Variants in TP53AIP1 observed in about 807,000 individuals in gnomAD.
TP53AIP1 encodes the protein p53-regulated apoptosis-inducing protein 1.
In TP53AIP1, 14 loss-of-function variants were observed where a neutral mutation model predicts 9.5. The ratio of observed to expected loss-of-function variants is 1.47; its 90% confidence interval spans 0.97 to 2.30. TP53AIP1 has a LOEUF of 2.30. Ranked by LOEUF, TP53AIP1 falls within the 30% of genes most tolerant of loss-of-function variation. The probability of loss-of-function intolerance (pLI) is 0.00; values close to 1 mark genes in which losing one functional copy is unlikely to be tolerated. For synonymous variants in TP53AIP1, 73 were observed against 61.2 expected (o/e 1.19, Z -0.90); for missense variants, 153 against 146.7 (o/e 1.04, Z -0.22).
chr11:128,938,113 G>A (rs1454774384), intron 1 of TP53AIP1, among the ~76,000 whole-genome samples: 1 of 152,128 alleles, frequency 6.6e-6, no homozygotes, highest in Non-Finnish European at 1.5e-5. Context: ...GAAAGGGGGT[G>A]GGATGATGGA....
At chr11:128,942,353 A>T (rs1317788121) in intron 1 of TP53AIP1, among the ~76,000 whole-genome samples, 1 of 152,102 alleles carries the variant, frequency 6.6e-6, no homozygotes, top group Admixed American at 6.5e-5. Context: ...TCACCAGGGG[A>T]CGTGAGAAAG....
At chr11:128,934,987 C>T, downstream of TP53AIP1, 1 of 702,940 alleles carries the variant, frequency 1.4e-6, no homozygotes, top group Non-Finnish European at 2.6e-6. Flanking sequence ...GGGCTTTCAA[C>T]TCCCAGAATT....
intron 1 of TP53AIP1, among the ~76,000 whole-genome samples, chr11:128,940,101 C>T (rs548419228): frequency 1.3e-5 from 2 of 152,314 alleles, no homozygotes; most frequent in East Asian, 3.9e-4. Context: ...CACCTGGATG[C>T]CAAGCATGAG....
At chr11:128,940,755 C>A (rs925116894) in intron 1 of TP53AIP1, among the ~76,000 whole-genome samples, 3 of 152,212 alleles carry the variant, frequency 2.0e-5, no homozygotes, top group African/African-American at 7.2e-5. Flanking sequence ...CCCACCCACA[C>A]ACTCAAGGCA....
chr11:128,938,647 G>C (rs1339641371), intron 1 of TP53AIP1, among the ~76,000 whole-genome samples: 1 of 152,122 alleles, frequency 6.6e-6, no homozygotes, highest in East Asian at 1.9e-4. Flanking sequence ...AGGGTCTAGG[G>C]AGAAGCTGCA....
chr11:128,936,295 C>T lies in TP53AIP1; in HGVS notation c.253+243G>A. On this transcript the variant is annotated intron_variant, in intron 3 of 3. Transcript: ENST00000531399. ...AGAAAGTTCAGTGGGTGTCAATTAG[C>T]TTGGCTGTAGTGACCACTCTTAAGT... is the stretch of plus-strand genomic sequence containing the variant. 3 of 1,245,052 alleles carry T rather than the reference C, an allele frequency of 2.4e-6. No homozygotes were observed. In the South Asian group the frequency reaches 7.2e-5, roughly 30 times the overall value. 77.1% of individuals were successfully genotyped at this position (1,245,052 alleles called of 1,614,324 possible). A position where few individuals can be genotyped will look rare whatever the true frequency, so the allele number is the denominator to read the frequency against.
intron 1 of TP53AIP1, among the ~76,000 whole-genome samples, chr11:128,941,126 G>A (rs1944932974): frequency 6.6e-6 from 1 of 152,312 alleles, no homozygotes; most frequent in Middle Eastern, 3.4e-3. Flanking sequence ...GCCCAAGGGG[G>A]CCGTGTTCTC....
At chr11:128,935,936 A>G in intron 3 of TP53AIP1, 1 of 1,256,392 alleles carries the variant, frequency 8.0e-7, no homozygotes, top group Non-Finnish European at 1.0e-6. Flanking sequence ...GTATCTTGGA[A>G]TAAACAAAAT....
rs2846689 is a variant in TP53AIP1 at position 128,937,311 on chromosome 11, A to G, written c.141+367T>C. The stretch of plus-strand genomic sequence containing the variant: ...CCCTGCACCCCAGCCTTCCCTCCCC[A>G]TGCGCTCCACATGCGTCCTTTGTTC... On this transcript the variant is annotated intron_variant, in intron 2 of 3. Coordinates refer to ENST00000531399, the MANE Select transcript of TP53AIP1 (RefSeq NM_022112.3). The surrounding 1 kb of genome is among the most constrained non-coding windows in gnomAD (Gnocchi z 4.8). 150,394 of 1,374,480 alleles carry G rather than the reference A, an allele frequency of 0.11. 8,735 individuals carry two copies. The highest frequency in any genetic ancestry group is 0.12 in the South Asian group (6,432 of 52,968). 85.1% of individuals were successfully genotyped at this position (1,374,480 alleles called of 1,614,324 possible).
At chr11:128,942,221 A>G (rs749361277) in intron 1 of TP53AIP1, among the ~76,000 whole-genome samples, 114 of 152,308 alleles carry the variant, frequency 7.5e-4, no homozygotes, top group Non-Finnish European at 1.4e-3. Flanking sequence ...CGCTGTGCCC[A>G]GGACCCAGGC....
rs1944821795 is a variant in TP53AIP1 at position 128,936,286 on chromosome 11, G to T, written c.253+252C>A. ...GCCCATTCCAGAAAGTTCAGTGGGT[G>T]TCAATTAGCTTGGCTGTAGTGACCA... On this transcript the variant is annotated intron_variant, in intron 3 of 3. Coordinates refer to ENST00000531399, the MANE Select transcript of TP53AIP1 (RefSeq NM_022112.3). 3.3e-6 allele frequency: 4 copies of T among 1,229,312 alleles called. No homozygotes were observed. In the Admixed American group the frequency reaches 1.2e-4, roughly 38 times the overall value. 76.2% of individuals were successfully genotyped at this position (1,229,312 alleles called of 1,614,324 possible). A position where few individuals can be genotyped will look rare whatever the true frequency, so the allele number is the denominator to read the frequency against.
chr11:128,937,037 C>A lies in TP53AIP1; in HGVS notation c.142-388G>T. The A allele has an allele frequency of 9.5e-7, 1 of 1,052,760 alleles. No individual in the cohort carries two copies. Among genetic ancestry groups the A allele is most frequent in the Non-Finnish European group, 1.1e-6 (1 of 872,764 alleles). 65.2% of individuals were successfully genotyped at this position (1,052,760 alleles called of 1,614,324 possible). A position where few individuals can be genotyped will look rare whatever the true frequency, so the allele number is the denominator to read the frequency against. On this transcript the variant is annotated intron_variant, in intron 2 of 3. Coordinates refer to ENST00000531399, the MANE Select transcript of TP53AIP1 (RefSeq NM_022112.3). This position sits in a 1 kb window ranked among gnomAD's most constrained non-coding sequence, Gnocchi z 4.8. ...GTGGGCCTCCAGGGAGGTGTAGGCG[C>A]TCCTGGCTCCTGGCAGACTCCTGGC...
chr11:128,934,851 T>C (rs1565328339), downstream of TP53AIP1: 7 of 606,944 alleles, frequency 1.2e-5, no homozygotes, highest in East Asian at 2.9e-5. Flanking sequence ...ATGTGGGCGA[T>C]TGAGGTCATG....
chr11:128,935,232 C>T, downstream of TP53AIP1: 2 of 1,383,524 alleles, frequency 1.4e-6, no homozygotes, highest in South Asian at 1.5e-5. Flanking sequence ...GAAGTGCATA[C>T]TGGGAGTGCC....
intron 3 of TP53AIP1, chr11:128,935,985 G>A (rs773614185): frequency 1.0e-4 from 100 of 1,000,824 alleles, no homozygotes; most frequent in Admixed American, 1.3e-4. Context: ...GACATACTAC[G>A]TACAGGTGCT....
chr11:128,935,657 G>A lies in TP53AIP1; in HGVS notation c.309C>T (p.Asp103=). The A allele has an allele frequency of 6.3e-7, 1 of 1,588,932 alleles. No individual in the cohort carries two copies. Among genetic ancestry groups the A allele is most frequent in the Non-Finnish European group, 8.5e-7 (1 of 1,175,364 alleles). Residue 103 remains aspartate (D), a synonymous_variant, in exon 4 of 4, where the codon GAC becomes GAT. Transcript: ENST00000531399. ...GCTCAAATGCTGACCCCAGTGGCCT[G>A]TCTCTAAGCACTGTGGCTCCAGGAA... ...PFLPGATVLR[D]RPLGSAFELS...
chr11:128,936,325 C>T (rs889467526), intron 3 of TP53AIP1: 19 of 1,354,344 alleles, frequency 1.4e-5, no homozygotes, highest in South Asian at 1.2e-4. Context: ...TTAAGTGTAC[C>T]GTTACCTTTT....
rs1555049409 is a variant in TP53AIP1 at position 128,935,512 on chromosome 11, C to CTGTTTT, written c.*78_*79insAAAACA. The CTGTTTT allele has an allele frequency of 4.9e-5, 74 of 1,497,350 alleles. No individual in the cohort carries two copies. In the African/African-American group the frequency reaches 8.7e-4, roughly 18 times the overall value. The allele number at this position is 1,497,350 out of a possible 1,614,324, so 92.8% of individuals were successfully genotyped here. The stretch of plus-strand genomic sequence containing the variant: ...TGGAGCCATTTCTCGACGGTGCTTT[C>CTGTTTT]TGTTTGTTTGTTTGTTTTTGTTTTG... On this transcript the variant is annotated 3_prime_UTR_variant, in exon 4 of 4. Transcript: ENST00000531399.
chr11:128,934,782 G>A (rs1944777058), downstream of TP53AIP1: 2 of 522,350 alleles, frequency 3.8e-6, no homozygotes, highest in Non-Finnish European at 6.9e-6. Context: ...CACAAGGGAG[G>A]AAGTGCAGAG....
Sources: allele counts gnomAD v4.1 joint callset (sites outside exome capture counted in the v4.1 genomes callset), GRCh38; gene constraint gnomAD v4.1.1; non-coding constraint Gnocchi (gnomAD v3.1); transcripts MANE v1.5; gene names NCBI Gene and HGNC (gene_info 2026-07-23, HGNC 2026-07-21).